SLC16A2: variants seen among roughly 807,000 people sequenced by gnomAD.
SLC16A2 encodes monocarboxylate transporter 8.
Under a neutral mutation model 27.2 loss-of-function variants are expected in SLC16A2, and 3 were observed. That is an observed-to-expected ratio of 0.11 (90% CI 0.05 to 0.28). The LOEUF (loss-of-function observed/expected upper bound fraction) is 0.28. Among genes scored for constraint, SLC16A2 ranks in the 10% least tolerant of loss-of-function variants. SLC16A2 has a pLI of 1.00. For synonymous variants in SLC16A2, 202 were observed against 187.8 expected (o/e 1.08, Z -0.62); for missense variants, 295 against 458.5 (o/e 0.64, Z 3.26).
chrX:74,524,307 G>C (rs1930454870), intron 2 of SLC16A2, 52 bp from the exon 3 acceptor site: 1 of 1,162,896 alleles, frequency 8.6e-7, no homozygotes. Context: ...GGGGAGGGCA[G>C]GTAGATTGCT....
At chrX:74,460,651 GT>G (rs1441627998) in intron 1 of SLC16A2, among the ~76,000 whole-genome samples, 1 of 111,454 alleles carries the variant, frequency 9.0e-6, no homozygotes, top group Non-Finnish European at 1.9e-5. Flanking sequence ...CATTCAGCAG[GT>G]TTTTTGTTTG....
At chrX:74,513,933 T>A (rs1351205272) in intron 1 of SLC16A2, among the ~76,000 whole-genome samples, 2 of 112,200 alleles carry the variant, frequency 1.8e-5, no homozygotes, top group Non-Finnish European at 3.8e-5. Context: ...GATAGACATG[T>A]GTCTGGGCCA....
intron 1 of SLC16A2, among the ~76,000 whole-genome samples, chrX:74,446,688 C>T (rs1928844552): frequency 8.9e-6 from 1 of 111,879 alleles, no homozygotes; most frequent in Admixed American, 9.5e-5. Flanking sequence ...CTTTATTCCC[C>T]TTCATGAGAA....
chrX:74,499,816 G>A (rs1393931276), intron 1 of SLC16A2, among the ~76,000 whole-genome samples: 1 of 111,429 alleles, frequency 9.0e-6, no homozygotes, highest in African/African-American at 3.3e-5. Context: ...AAAACCACTA[G>A]GATGGCTAAA....
At chrX:74,428,583 T>C (rs1453918405) in intron 1 of SLC16A2, among the ~76,000 whole-genome samples, 1 of 110,690 alleles carries the variant, frequency 9.0e-6, no homozygotes, top group Non-Finnish European at 1.9e-5. Context: ...CCTGCCAGAG[T>C]CACAGGCCCA....
intron 1 of SLC16A2, among the ~76,000 whole-genome samples, chrX:74,434,990 A>T (rs1436389654): frequency 3.3e-5 from 3 of 90,593 alleles, no homozygotes; most frequent in African/African-American, 1.4e-4. Flanking sequence ...TGCCCAGCTA[A>T]TTTTTGTATT....
At position 74,524,463 on chromosome X, in the gene SLC16A2, G is replaced by A. The variant is rs751821747; in HGVS notation, c.680G>A (p.Arg227His). ...LVILGHYFQR[R>H]LGLANGVVSA... ...ATCCTGGGCCACTACTTTCAACGCC[G>A]CCTGGGTCTGGCCAATGGTGTGGTG... The change falls in exon 3 of 6, where the codon CGC (arginine) becomes CAC (histidine). Residue 227 changes from arginine to histidine, a missense_variant. Physicochemically the swap from Arg to His is conservative, Grantham distance 29. This residue lies in a region of SLC16A2 where 59 missense variants were observed against 153.6 expected (regional missense o/e 0.38). Transcript: ENST00000587091. The A allele has an allele frequency of 5.8e-6, 7 of 1,209,894 alleles. No homozygotes were observed. Among genetic ancestry groups the A allele is most frequent in the African/African-American group, 3.5e-5 (2 of 57,159 alleles).
intron 1 of SLC16A2, among the ~76,000 whole-genome samples, chrX:74,490,955 G>A (rs909841211): frequency 3.6e-5 from 4 of 111,536 alleles, no homozygotes; most frequent in African/African-American, 6.5e-5. Context: ...GCCAAGGCTC[G>A]GGAGGACTTA....
At chrX:74,500,787 C>G (rs759777095) in intron 1 of SLC16A2, among the ~76,000 whole-genome samples, 1 of 111,187 alleles carries the variant, frequency 9.0e-6, no homozygotes, top group South Asian at 3.9e-4. Flanking sequence ...GAACAAAGGT[C>G]ATTTGCACAA....
chrX:74,455,141 T>A (rs1929020368), intron 1 of SLC16A2, among the ~76,000 whole-genome samples: 1 of 111,963 alleles, frequency 8.9e-6, no homozygotes, highest in African/African-American at 3.2e-5. Context: ...GATAACATAG[T>A]ATGTGTTGCA....
intron 1 of SLC16A2, among the ~76,000 whole-genome samples, chrX:74,457,601 C>A (rs1266364024): frequency 1.8e-5 from 2 of 111,771 alleles, no homozygotes; most frequent in African/African-American, 6.5e-5. Context: ...CTTTACCCAT[C>A]ACGAAGGCCT....
At chrX:74,494,567 G>A (rs780769941) in intron 1 of SLC16A2, among the ~76,000 whole-genome samples, 1 of 111,551 alleles carries the variant, frequency 9.0e-6, no homozygotes, top group Non-Finnish European at 1.9e-5. Context: ...ATGTTATGGT[G>A]TTTTTTCCAC....
rs753898796 is a variant in SLC16A2 at position 74,507,186 on chromosome X, G to A, written c.431-13804G>A. Among the ~76,000 whole-genome samples the A allele has an allele frequency of 1.2e-4, 13 of 110,184 alleles. No individual in the cohort carries two copies. The South Asian group carries it at 5.0e-3, about 42-fold the overall frequency. ...GCCCAGGCTGGTCTTGAACTCCTGA[G>A]CTCAAGCCATCTGCCTGTCTCAGCC... On this transcript the variant is annotated intron_variant, in intron 1 of 5. Coordinates refer to ENST00000587091, the MANE Select transcript of SLC16A2 (RefSeq NM_006517.5).
chrX:74,427,811 G>GCGCGCACA (rs1459240575), intron 1 of SLC16A2, among the ~76,000 whole-genome samples: 6 of 101,702 alleles, frequency 5.9e-5, no homozygotes, highest in African/African-American at 2.1e-4. Flanking sequence ...GCACGCGCGC[G>GCGCGCACA]CACACACACA....
intron 1 of SLC16A2, among the ~76,000 whole-genome samples, chrX:74,441,358 A>G (rs1928745898): frequency 9.8e-6 from 1 of 102,271 alleles, no homozygotes; most frequent in Non-Finnish European, 2.1e-5. Flanking sequence ...CGCACCAGGC[A>G]GAGACCTACA....
intron 1 of SLC16A2, among the ~76,000 whole-genome samples, chrX:74,463,822 C>G (rs181276522): frequency 1.7e-3 from 191 of 112,225 alleles, no homozygotes; most frequent in Non-Finnish European, 3.0e-3. Context: ...CCACCGTGCC[C>G]GGCCTATTTG....
In SLC16A2 at chrX:74,421,523, A is replaced by AGGCAGC. The variant is rs760787234; in HGVS notation, c.-102_-97dup. 2.2e-3 allele frequency: 2,187 copies of AGGCAGC among 984,326 alleles called. 46 individuals are homozygous for AGGCAGC. In the African/African-American group the frequency reaches 0.037, roughly 17 times the overall value. The allele number at this position is 984,326 out of a possible 1,213,427, so 81.1% of individuals were successfully genotyped here. A position where few individuals can be genotyped will look rare whatever the true frequency, so the allele number is the denominator to read the frequency against. On this transcript the variant is annotated 5_prime_UTR_variant, in exon 1 of 6. Coordinates refer to ENST00000587091, the MANE Select transcript of SLC16A2 (RefSeq NM_006517.5). ...GCTGGGGCGCGGAGCCTGGAGGAGG[A>AGGCAGC]GGCAGCGGCAGCGGCAGCAGCAGCC...
At chrX:74,455,888 G>T (rs1256199089) in intron 1 of SLC16A2, among the ~76,000 whole-genome samples, 1 of 111,527 alleles carries the variant, frequency 9.0e-6, no homozygotes, top group East Asian at 2.8e-4. Flanking sequence ...ATCCTTGATT[G>T]ATTAGCTCAG....
chrX:74,437,149 G>A (rs747627375), intron 1 of SLC16A2, among the ~76,000 whole-genome samples: 2 of 112,330 alleles, frequency 1.8e-5, no homozygotes, highest in East Asian at 5.6e-4. Flanking sequence ...GCCAAGCCTC[G>A]TGACCTCCTT....
Sources: allele counts gnomAD v4.1 joint callset (sites outside exome capture counted in the v4.1 genomes callset), GRCh38; gene constraint gnomAD v4.1.1; regional missense constraint gnomAD v4.1.1; transcripts MANE v1.5; gene names NCBI Gene and HGNC (gene_info 2026-07-23, HGNC 2026-07-21).